Variants in TBC1D30 observed in about 807,000 individuals in gnomAD.
The protein encoded by TBC1D30 is TBC1 domain family member 30, also known as TBC1 domain family, member 30.
Under a neutral mutation model 63.2 loss-of-function variants are expected in TBC1D30, and 31 were observed. The observed-to-expected ratio is 0.49, with a 90% CI of 0.37 to 0.66. The LOEUF (loss-of-function observed/expected upper bound fraction) is 0.66. Among genes scored for constraint, TBC1D30 ranks in the 30% least tolerant of loss-of-function variants. TBC1D30 has a pLI of 0.00. For synonymous variants in TBC1D30, 307 were observed against 361.5 expected, an observed-to-expected ratio of 0.85 and a Z score of 1.71; for missense variants, 810 against 953.6, an observed-to-expected ratio of 0.85 and a Z score of 1.98.
chr12:64,771,765 C>A (rs775179850), intron 1 of TBC1D30, among the ~76,000 whole-genome samples: 1 of 152,160 alleles, frequency 6.6e-6, no homozygotes, highest in Non-Finnish European at 1.5e-5. Context: ...AACATAGTAA[C>A]AGGAAGAGCT....
At chr12:64,766,495 A>G (rs189839688) in intron 1 of TBC1D30, among the ~76,000 whole-genome samples, 1 of 152,326 alleles carries the variant, frequency 6.6e-6, no homozygotes, top group East Asian at 1.9e-4. Flanking sequence ...TCCATCAGGA[A>G]GATATAACAA....
rs1874827894 is a variant in TBC1D30 at position 64,831,188 on chromosome 12, C to T, written c.408+686C>T. 3.3e-5 allele frequency among the ~76,000 whole-genome samples: 5 copies of T among 152,066 alleles called. No individual in the cohort carries two copies. In the South Asian group the frequency reaches 1.0e-3, roughly 32 times the overall value. On this transcript the variant is annotated intron_variant, in intron 4 of 11. Coordinates refer to ENST00000539867, the MANE Select transcript of TBC1D30 (RefSeq NM_015279.2). ...CCAAATTTTGGCCACCTCAAGATGG[C>T]TAATGTTTTGGCATATTTGGAGGTT...
chr12:64,825,300 T>C (rs1300658137), intron 1 of TBC1D30: 3 of 422,232 alleles, frequency 7.1e-6, no homozygotes, highest in Non-Finnish European at 1.2e-5. Flanking sequence ...CCCTGCGGCC[T>C]GTGTGCTCGG....
rs553114322 is a variant in TBC1D30 at position 64,812,193 on chromosome 12, T to A, written c.644-15642T>A. On this transcript the variant is annotated intron_variant, in intron 2 of 12. Coordinates refer to the TBC1D30 transcript ENST00000542120. ...ATATGACTATATTTTCCTTTAGTTG[T>A]TTTTTTCCTATGCCTAGGAAAAAAT... Among the ~76,000 whole-genome samples the A allele has an allele frequency of 3.4e-3, 521 of 152,290 alleles. 5 individuals are homozygous for A. Among genetic ancestry groups the A allele is most frequent in the African/African-American group, 0.012 (494 of 41,554 alleles).
chr12:64,788,043 AAAAG>A (rs533735232), intron 2 of TBC1D30, among the ~76,000 whole-genome samples: 3 of 152,298 alleles, frequency 2.0e-5, no homozygotes, highest in South Asian at 2.1e-4. Flanking sequence ...CAGAAAAAAA[AAAAG>A]AAAGAGTGCT....
At chr12:64,776,616 A>T (rs1248397575), upstream of TBC1D30, among the ~76,000 whole-genome samples, 1 of 152,210 alleles carries the variant, frequency 6.6e-6, no homozygotes, top group African/African-American at 2.4e-5. Flanking sequence ...GCAGTAATAA[A>T]TAGCCTAACA....
intron 11 of TBC1D30, among the ~76,000 whole-genome samples, chr12:64,872,044 T>C (rs1878698480): frequency 6.6e-6 from 1 of 152,218 alleles, no homozygotes; most frequent in Non-Finnish European, 1.5e-5. Context: ...TTTGTTTGTT[T>C]TGAGATGGAG....
intron 8 of TBC1D30, among the ~76,000 whole-genome samples, chr12:64,844,820 T>C (rs531342256): frequency 2.2e-4 from 34 of 152,176 alleles, no homozygotes; most frequent in Middle Eastern, 3.4e-3. Flanking sequence ...ATGACCTCCA[T>C]TTCCATCCAC....
chr12:64,772,175 T>C (rs1870928445), intron 1 of TBC1D30, among the ~76,000 whole-genome samples: 1 of 146,054 alleles, frequency 6.8e-6, no homozygotes, highest in Non-Finnish European at 1.5e-5. Context: ...AGGAGGAGGT[T>C]GTGGTGAGCC....
intron 8 of TBC1D30, among the ~76,000 whole-genome samples, chr12:64,844,793 T>C (rs979570056): frequency 3.7e-4 from 57 of 152,130 alleles, no homozygotes; most frequent in Non-Finnish European, 6.9e-4. Context: ...CATGCCTGGC[T>C]TATTTCACTT....
intron 2 of TBC1D30, among the ~76,000 whole-genome samples, chr12:64,804,708 AT>A (rs1215377329): frequency 6.6e-6 from 1 of 152,030 alleles, no homozygotes; most frequent in Non-Finnish European, 1.5e-5. Flanking sequence ...CACAAAATTC[AT>A]TTTTTTCCTC....
chr12:64,864,569 T>G (rs1878055699), intron 8 of TBC1D30, 99 bp from the exon 9 acceptor site: 1 of 797,420 alleles, frequency 1.3e-6, no homozygotes, highest in African/African-American at 1.7e-5. Context: ...TATCTGCCTC[T>G]TCACACTCGA....
intron 11 of TBC1D30, among the ~76,000 whole-genome samples, chr12:64,874,710 A>G (rs1253711485): frequency 6.6e-6 from 1 of 152,142 alleles, no homozygotes; most frequent in Non-Finnish European, 1.5e-5. Flanking sequence ...TCTCTGTAAA[A>G]AAAAAAATTA....
chr12:64,806,376 T>A (rs1334703028), intron 2 of TBC1D30, among the ~76,000 whole-genome samples: 1 of 152,186 alleles, frequency 6.6e-6, no homozygotes, highest in Non-Finnish European at 1.5e-5. Context: ...CATACAATAA[T>A]GAAATTTGAG....
At chr12:64,781,497 A>T (rs966321400) in intron 1 of TBC1D30, among the ~76,000 whole-genome samples, 1 of 152,124 alleles carries the variant, frequency 6.6e-6, no homozygotes, top group Non-Finnish European at 1.5e-5. Context: ...GCGTCAGTTG[A>T]TGGAGTGGGC....
chr12:64,875,694 G>A lies in TBC1D30; in HGVS notation c.2192G>A (p.Gly731Asp), dbSNP rs1413066582. 3 of 1,536,416 alleles carry A rather than the reference G, an allele frequency of 2.0e-6. No homozygotes were observed. The Admixed American group carries it at 5.9e-5, about 30-fold the overall frequency. Residue 731 changes from glycine to aspartate, a missense_variant, in exon 12 of 12, where the codon GGC becomes GAC. Physicochemically the swap from Gly to Asp is moderately conservative, Grantham distance 94 (BLOSUM62 -1). Coordinates refer to ENST00000539867, the MANE Select transcript of TBC1D30 (RefSeq NM_015279.2). Reference protein sequence around the residue: ...SATARNLGLYGPTERTPTVHF... With the variant: ...SATARNLGLYDPTERTPTVHF... ...ACTGCCAGGAACTTGGGATTATATG[G>A]CCCTACAGAAAGAACCCCAACTGTG...
chr12:64,815,014 G>A (rs1873439350), intron 2 of TBC1D30, among the ~76,000 whole-genome samples: 1 of 152,110 alleles, frequency 6.6e-6, no homozygotes, highest in South Asian at 2.1e-4. Flanking sequence ...CCAAATATCT[G>A]TCACCTGTAT....
intron 2 of TBC1D30, among the ~76,000 whole-genome samples, chr12:64,805,733 G>A (rs1565649999): frequency 6.6e-6 from 1 of 151,902 alleles, no homozygotes; most frequent in Non-Finnish European, 1.5e-5. Flanking sequence ...CTTGGGAGGT[G>A]GAGGCAGGAG....
At chr12:64,834,707 CTTTTTT>C (rs11374555) in intron 5 of TBC1D30, among the ~76,000 whole-genome samples, 3 of 76,320 alleles carry the variant, frequency 3.9e-5, no homozygotes, top group African/African-American at 5.0e-5. Flanking sequence ...CCGTGCCGGG[CTTTTTT>C]TTTTTTTTTT....
Sources: allele counts gnomAD v4.1 joint callset (sites outside exome capture counted in the v4.1 genomes callset), GRCh38; gene constraint gnomAD v4.1.1; transcripts MANE v1.5; gene names NCBI Gene and HGNC (gene_info 2026-07-23, HGNC 2026-07-21).